Variants in FDXACB1 observed in about 807,000 individuals in gnomAD.
The protein encoded by FDXACB1 is ferredoxin-fold anticodon-binding domain-containing protein 1.
In FDXACB1, 41 loss-of-function variants were observed where a neutral mutation model predicts 51.7. The observed-to-expected ratio is 0.79, with a 90% confidence interval of 0.62 to 1.03. The LOEUF is 1.03. Among genes scored for constraint, FDXACB1 ranks in the 50% least tolerant of loss-of-function variants. FDXACB1 has a pLI of 0.00. For synonymous variants in FDXACB1, 273 were observed against 278.6 expected, an observed-to-expected ratio of 0.98 and a Z score of 0.20; for missense variants, 697 against 746.4, an observed-to-expected ratio of 0.93 and a Z score of 0.77.
chr11:111,875,519 T>G lies in FDXACB1; in HGVS notation c.1278A>C (p.Thr426=), dbSNP rs374478320. The G allele has an allele frequency of 1.2e-6, 2 of 1,611,804 alleles. No individual in the cohort carries two copies. Among genetic ancestry groups the G allele is most frequent in the Non-Finnish European group, 1.7e-6 (2 of 1,179,612 alleles). The change falls in exon 5 of 5, where the codon ACA becomes ACC. Residue 426 remains threonine, a synonymous_variant. Transcript: ENST00000260257. ...TGCTCAGCTTAGAGCTCTCCGGCAA[T>G]GTCTGGGTCAGCAGGCTATCTAGAA... ...KGILDSLLTQ[T]LPESSKLSSL... is the part of the protein sequence containing the mutation.
Position 111,876,846 on chromosome 11 carries a change from G to A in FDXACB1, c.495C>T (p.Ser165=). The A allele has an allele frequency of 6.2e-7, 1 of 1,613,960 alleles. No homozygotes were observed. The highest frequency in any genetic ancestry group is 1.1e-5 in the South Asian group (1 of 91,074). The change falls in exon 3 of 5, where the codon AGC becomes AGT. Residue 165 remains serine, a synonymous_variant. Transcript: ENST00000260257. ...GLILSDVYPF[S]CKAVAGYKCT... ...ACTTGTACCCTGCCACAGCCTTACA[G>A]CTGAATGGATACACGTCGCTTAAAA... is the stretch of plus-strand genomic sequence containing the variant.
rs542018782 is a variant in FDXACB1, at chr11:111,876,514, G to C, written c.659C>G (p.Pro220Arg). The change falls in exon 4 of 5, where the codon CCA becomes CGA. Residue 220 changes from proline (P) to arginine (R), a missense_variant. Pro to Arg is a moderately radical substitution (Grantham distance 103). Around this residue, in one of 3 missense-constraint regions of FDXACB1, gnomAD observed 538 missense variants for 592.2 expected, o/e 0.91. Transcript: ENST00000260257. ...IKLGNQWFSF[P>R]EPEALVGKLN... ...CTTTCCTACAAGTGCTTCTGGTTCT[G>C]GAAAGGAAAACCACTGGTTACCCAG... The C allele has an allele frequency of 6.2e-7, 1 of 1,613,758 alleles. No individual in the cohort carries two copies. Among genetic ancestry groups the C allele is most frequent in the South Asian group, 1.1e-5 (1 of 91,054 alleles).
chr11:111,875,132 A>C lies in FDXACB1; in HGVS notation c.1665T>G (p.Phe555Leu), dbSNP rs781874017. Residue 555 changes from phenylalanine (F) to leucine (L), a missense_variant, in exon 5 of 5, where the codon TTT becomes TTG. Around this residue, in one of 3 missense-constraint regions of FDXACB1, gnomAD observed 538 missense variants for 592.2 expected, o/e 0.91. Coordinates refer to ENST00000260257, the MANE Select transcript of FDXACB1 (RefSeq NM_138378.3). ...GAGACACTGCTCGGGCCACAGTGTG[A>C]AACTCTAGTTCATCAAATCCTTTCT... The part of the protein sequence containing the change: ...DQKKGFDELE[F>L]HTVARAVSQD... 1 of 1,613,892 alleles carries C rather than the reference A, an allele frequency of 6.2e-7. No homozygotes were observed. Among genetic ancestry groups the C allele is most frequent in the Non-Finnish European group, 8.5e-7 (1 of 1,179,892 alleles).
rs1290076164 is a variant in FDXACB1, at chr11:111,877,023, A to C, written c.330-12T>G. 1.3e-6 allele frequency: 2 copies of C among 1,561,624 alleles called. No individual in the cohort carries two copies. Among genetic ancestry groups the C allele is most frequent in the Non-Finnish European group, 1.7e-6 (2 of 1,151,830 alleles). On this transcript the variant is annotated splice_polypyrimidine_tract_variant and intron_variant, in intron 2 of 4. Coordinates refer to ENST00000260257, the MANE Select transcript of FDXACB1 (RefSeq NM_138378.3). Reference sequence around the variant, plus strand: ...GAACGTCTGCACAGCTAATAGGGAGAAAAGAAACACTAACTAATTATCATA... The same window carrying C: ...GAACGTCTGCACAGCTAATAGGGAGCAAAGAAACACTAACTAATTATCATA...
In FDXACB1 at chr11:111,878,620, G is replaced by A. The variant is rs1180655775; in HGVS notation, c.265C>T (p.Pro89Ser). The A allele has an allele frequency of 1.3e-5, 21 of 1,604,516 alleles. No homozygotes were observed. Among genetic ancestry groups the A allele is most frequent in the Non-Finnish European group, 1.7e-5 (20 of 1,175,422 alleles). The change falls in exon 2 of 5, where the codon CCG becomes TCG. Residue 89 changes from proline to serine, a missense_variant. By Grantham distance (74) the Pro-to-Ser change is moderately conservative. Coordinates refer to ENST00000260257, the MANE Select transcript of FDXACB1 (RefSeq NM_138378.3). Reference sequence around the variant, plus strand: ...ACGCCAGCTTTGCGTCCACAATGCGGGAAGATGAAATAAATTTGATCAAAT... The same window carrying A: ...ACGCCAGCTTTGCGTCCACAATGCGAGAAGATGAAATAAATTTGATCAAAT... ...REFDQIYFIF[P>S]HCGRKAGVAK...
In FDXACB1 at chr11:111,877,020, G is replaced by A. The variant is rs781786781; in HGVS notation, c.330-9C>T. The stretch of plus-strand genomic sequence containing the variant: ...CAAGAACGTCTGCACAGCTAATAGG[G>A]AGAAAAGAAACACTAACTAATTATC... On this transcript the variant is annotated splice_polypyrimidine_tract_variant and intron_variant, in intron 2 of 4. Coordinates refer to ENST00000260257, the MANE Select transcript of FDXACB1 (RefSeq NM_138378.3). 4.5e-6 allele frequency: 7 copies of A among 1,564,152 alleles called. No homozygotes were observed. Among genetic ancestry groups the A allele is most frequent in the East Asian group, 2.4e-5 (1 of 42,448 alleles).
At position 111,876,967 on chromosome 11, in the gene FDXACB1, A is replaced by G; in HGVS notation, c.374T>C (p.Leu125Ser). The change falls in exon 3 of 5, where the codon TTA becomes TCA. Residue 125 changes from leucine to serine, a missense_variant. By Grantham distance (145) the Leu-to-Ser change is moderately radical (BLOSUM62 -2). Around this residue, in one of 3 missense-constraint regions of FDXACB1, gnomAD observed 538 missense variants for 592.2 expected, o/e 0.91. Coordinates refer to ENST00000260257, the MANE Select transcript of FDXACB1 (RefSeq NM_138378.3). The stretch of plus-strand genomic sequence containing the variant: ...AGGAGTTCCACCTTGTCCTCTACAT[A>G]ATGCCACGTGGACTTCTCCTTCCTC... ...LAEEGEVHVA[L>S]CRGQGGTPAD... 1 of 1,603,210 alleles carries G rather than the reference A, an allele frequency of 6.2e-7. No individual in the cohort carries two copies.
chr11:111,876,096 A>C lies in FDXACB1; in HGVS notation c.701T>G (p.Leu234Arg). The change falls in exon 5 of 5, where the codon CTG becomes CGG. Residue 234 changes from leucine to arginine, a missense_variant. By Grantham distance (102) the Leu-to-Arg change is moderately radical. Coordinates refer to ENST00000260257, the MANE Select transcript of FDXACB1 (RefSeq NM_138378.3). Reference sequence around the variant, plus strand: ...GATAGGATGACATGAAGGTGCTTCCAGGAAACCCCTGTTTAAACACACACA... The same window carrying C: ...GATAGGATGACATGAAGGTGCTTCCCGGAAACCCCTGTTTAAACACACACA... ...ALVGKLNRGF[L>R]EAPSCHPIKT... 6.3e-7 allele frequency: 1 copy of C among 1,599,494 alleles called. No individual in the cohort carries two copies. Among genetic ancestry groups the C allele is most frequent in the South Asian group, 1.1e-5 (1 of 88,456 alleles).
In FDXACB1 at chr11:111,875,432, A is replaced by C; in HGVS notation, c.1365T>G (p.His455Gln). ...GKDYMIRVKT[H>Q]NFSPDCTEDL... ...CCTCAGTACAATCTGGGCTAAAATT[A>C]TGAGTCTTCACACGAATCATATAAT... Residue 455 changes from histidine to glutamine, a missense_variant, in exon 5 of 5, where the codon CAT (histidine) becomes CAG (glutamine). Transcript: ENST00000260257. 1.2e-6 allele frequency: 2 copies of C among 1,613,532 alleles called. No individual in the cohort carries two copies. The highest frequency in any genetic ancestry group is 1.7e-6 in the Non-Finnish European group (2 of 1,179,842).
At position 111,879,042 on chromosome 11, in the gene FDXACB1, T is replaced by TA; in HGVS notation, c.90dup (p.Thr31TyrfsTer45). 6.2e-6 allele frequency: 10 copies of TA among 1,613,420 alleles called. No individual in the cohort carries two copies. Among genetic ancestry groups the TA allele is most frequent in the Non-Finnish European group, 8.5e-6 (10 of 1,179,766 alleles). On this transcript the variant is annotated frameshift_variant, in exon 1 of 5. Coordinates refer to ENST00000260257, the MANE Select transcript of FDXACB1 (RefSeq NM_138378.3). LOFTEE classifies it high-confidence loss of function. The stretch of plus-strand genomic sequence containing the variant: ...GCCGGGCGCTGGAGGCAGGTGGCGG[T>TA]AAGTTGAGTGCTCTGATCCAGGGTT...
Position 111,874,843 on chromosome 11 carries a change from G to A in FDXACB1, c.*79C>T, listed in dbSNP as rs943170887. On this transcript the variant is annotated 3_prime_UTR_variant, in exon 5 of 5. Transcript: ENST00000260257. ...TTTACAAAAACAAAAATCCAGAAAG[G>A]ACTACTGGTTGCAAGTTGGTAATTT... is the stretch of plus-strand genomic sequence containing the variant. The A allele has an allele frequency of 8.1e-7, 1 of 1,240,954 alleles. No homozygotes were observed. Among genetic ancestry groups the A allele is most frequent in the Middle Eastern group, 1.9e-4 (1 of 5,182 alleles). 76.9% of individuals were successfully genotyped at this position (1,240,954 alleles called of 1,614,324 possible).
Position 111,878,697 on chromosome 11 carries a change from A to T in FDXACB1, c.188T>A (p.Phe63Tyr). The change falls in exon 2 of 5, where the codon TTC (phenylalanine) becomes TAC (tyrosine). Residue 63 changes from phenylalanine to tyrosine, a missense_variant. Phe to Tyr is a conservative substitution (Grantham distance 22). Coordinates refer to ENST00000260257, the MANE Select transcript of FDXACB1 (RefSeq NM_138378.3). ...CLRERGIDVRFGVDCTQLADV... is the reference protein window; with the variant it reads ...CLRERGIDVRYGVDCTQLADV... ...TGCCAGCTGGGTGCAGTCCACACCG[A>T]AACGTACATCGATACCTGGCAAAGA... 1 of 1,610,928 alleles carries T rather than the reference A, an allele frequency of 6.2e-7. No individual in the cohort carries two copies. Among genetic ancestry groups the T allele is most frequent in the Non-Finnish European group, 8.5e-7 (1 of 1,178,806 alleles).
At chr11:111,876,404 T>C in intron 4 of FDXACB1, 77 bp downstream of exon 4, 1 of 1,497,606 alleles carries the variant, frequency 6.7e-7, no homozygotes, top group Non-Finnish European at 9.1e-7. Flanking sequence ...GCACCATCCA[T>C]TCAATATATG....
Position 111,874,143 on chromosome 11 carries a change from A to C in FDXACB1, c.*779T>G, listed in dbSNP as rs1964756938. On this transcript the variant is annotated 3_prime_UTR_variant, in exon 5 of 5. Transcript: ENST00000260257. ...TGATTATAATAATAATACCAAAATT[A>C]ATGTGGAATATTTGCAATTTCCCAA... 6.6e-6 allele frequency: 1 copy of C among 152,236 alleles called. No homozygotes were observed. The highest frequency in any genetic ancestry group is 1.5e-5 in the Non-Finnish European group (1 of 68,044). 9.4% of individuals were successfully genotyped at this position (152,236 alleles called of 1,614,324 possible).
rs1315147382 is a variant in FDXACB1, at chr11:111,877,472, C to T, written c.330-461G>A. Among the ~76,000 whole-genome samples, 6 of 150,058 alleles carry T rather than the reference C, an allele frequency of 4.0e-5. No individual in the cohort carries two copies. The East Asian group carries it at 1.2e-3, about 29-fold the overall frequency. On this transcript the variant is annotated intron_variant, in intron 2 of 4. Transcript: ENST00000260257. The stretch of plus-strand genomic sequence containing the variant: ...TCTTGTGGTATAATCATGTAAAGCA[C>T]TGTTTTCAGTTCACAATAATTTTAT...
chr11:111,876,015 C>G lies in FDXACB1; in HGVS notation c.782G>C (p.Arg261Thr). Residue 261 changes from arginine (R) to threonine (T), a missense_variant, in exon 5 of 5, where the codon AGG becomes ACG. Coordinates refer to ENST00000260257, the MANE Select transcript of FDXACB1 (RefSeq NM_138378.3). ...AELGKVFPLK[R>T]LKCSYPLLPQ... is the part of the protein sequence containing the mutation. ...CAGCAAAGGGTAGGAACACTTCAGCCTTTTTAGCGGGAAAACTTTGCCTAA... is the reference window on the plus strand; with the variant it reads ...CAGCAAAGGGTAGGAACACTTCAGCGTTTTTAGCGGGAAAACTTTGCCTAA... The G allele has an allele frequency of 1.9e-6, 3 of 1,613,914 alleles. No individual in the cohort carries two copies. Among genetic ancestry groups the G allele is most frequent in the Non-Finnish European group, 1.7e-6 (2 of 1,179,878 alleles).
rs1592487689 is a variant in FDXACB1 at position 111,874,793 on chromosome 11, T to C, written c.*129A>G. ...AAAAAAAAAAAAGATCAACGAACAG[T>C]AGCTATGGTCACAAAGTAAAAGATT... is the stretch of plus-strand genomic sequence containing the variant. On this transcript the variant is annotated 3_prime_UTR_variant, in exon 5 of 5. Transcript: ENST00000260257. The C allele has an allele frequency of 1.4e-6, 1 of 729,442 alleles. No individual in the cohort carries two copies. 45.2% of individuals were successfully genotyped at this position (729,442 alleles called of 1,614,324 possible). A position where few individuals can be genotyped will look rare whatever the true frequency, so the allele number is the denominator to read the frequency against.
In FDXACB1 at chr11:111,875,555, A is replaced by G. The variant is rs782687797; in HGVS notation, c.1242T>C (p.His414=). ...KDGCLQSLLD[H]LKGILDSLLT... is the part of the protein sequence containing the mutation. ...GCAGGCTATCTAGAATGCCCTTCAG[A>G]TGATCCAGCAGTGATTGAAGACAGC... The change falls in exon 5 of 5, where the codon CAT becomes CAC. Residue 414 remains histidine, a synonymous_variant. Transcript: ENST00000260257. 10 of 1,611,656 alleles carry G rather than the reference A, an allele frequency of 6.2e-6. No individual in the cohort carries two copies. In the South Asian group the frequency reaches 1.1e-4, roughly 18 times the overall value.
Position 111,878,952 on chromosome 11 carries a change from G to C in FDXACB1, c.172+9C>G, listed in dbSNP as rs1964884643. 2 of 1,585,344 alleles carry C rather than the reference G, an allele frequency of 1.3e-6. No homozygotes were observed. The highest frequency in any genetic ancestry group is 4.7e-5 in the East Asian group (2 of 42,936). ...TGGGCGGGGTTTCGCAGAGGGGCGG[G>C]CTCGCTACCTCGCTCGCGCAGGCAC... On this transcript the variant is annotated intron_variant, in intron 1 of 4. Transcript: ENST00000260257.
Sources: gnomAD v4.1 joint callset for allele counts (sites outside exome capture counted in the v4.1 genomes callset) on GRCh38, gnomAD v4.1.1 for gene constraint, gnomAD v4.1.1 regional missense constraint, MANE v1.5 for transcripts, NCBI Gene and HGNC (gene_info 2026-07-23, HGNC 2026-07-21) for gene names.